Variants in SPACDR observed in about 807,000 individuals in gnomAD.
SPACDR encodes the protein uncharacterized protein C7orf61.
the SPACDR span, among the ~76,000 whole-genome samples, chr7:100,457,803 ATGTGTG>A: frequency 9.6e-5 from 7 of 72,588 alleles, no homozygotes; most frequent in South Asian, 1.2e-3. Context: ...ATATATATAT[ATGTGTG>A]TGTGTGTGTG....
the SPACDR span, among the ~76,000 whole-genome samples, chr7:100,461,010 A>ACCAGC: frequency 2.0e-5 from 3 of 152,078 alleles, no homozygotes; most frequent in Admixed American, 6.6e-5. Context: ...CCTGCCTTCT[A>ACCAGC]CCAGCTGACT....
the SPACDR span, chr7:100,463,509 C>A: frequency 9.3e-6 from 15 of 1,613,828 alleles, no homozygotes; most frequent in Middle Eastern, 1.6e-4. Context: ...TTGGCCAACA[C>A]GCAGGGATCT....
At chr7:100,463,925 C>T in the SPACDR span, 1 of 1,588,628 alleles carries the variant, frequency 6.3e-7, no homozygotes, top group Non-Finnish European at 8.6e-7. Flanking sequence ...GCCCTCATCC[C>T]AGCGCATCAT....
the SPACDR span, among the ~76,000 whole-genome samples, chr7:100,459,405 C>A: frequency 1.3e-5 from 2 of 151,756 alleles, no homozygotes; most frequent in African/African-American, 4.8e-5. Context: ...CAGGTTCAAG[C>A]GATTCTCCTG....
the SPACDR span, chr7:100,463,414 G>A: frequency 1.2e-5 from 19 of 1,613,012 alleles, no homozygotes; most frequent in Non-Finnish European, 7.6e-6. Flanking sequence ...CCATGAGCGT[G>A]GAGACAGACT....
At chr7:100,457,830 T>TGTGTGTGTGTG in the SPACDR span, among the ~76,000 whole-genome samples, 2 of 112,584 alleles carry the variant, frequency 1.8e-5, no homozygotes, top group Non-Finnish European at 3.5e-5. Context: ...TGTGTGTGTG[T>TGTGTGTGTGTG]GTGTGTGTGT....
At chr7:100,459,809 T>C in the SPACDR span, among the ~76,000 whole-genome samples, 1 of 152,108 alleles carries the variant, frequency 6.6e-6, no homozygotes, top group Non-Finnish European at 1.5e-5. Context: ...TTTGAAGGTA[T>C]CACAGTTTAA....
At chr7:100,457,618 C>CTT in the SPACDR span, among the ~76,000 whole-genome samples, 716 of 93,490 alleles carry the variant, frequency 7.7e-3, 33 homozygotes, top group African/African-American at 0.025. Context: ...CATGCCTGGC[C>CTT]TTTTTTTTTT....
At chr7:100,463,542 A>C in the SPACDR span, 3 of 1,614,010 alleles carry the variant, frequency 1.9e-6, no homozygotes, top group Non-Finnish European at 2.5e-6. Flanking sequence ...GACTCACCCA[A>C]CTTGGGCTTA....
the SPACDR span, among the ~76,000 whole-genome samples, chr7:100,457,607 C>A: frequency 6.8e-6 from 1 of 146,432 alleles, no homozygotes; most frequent in African/African-American, 2.5e-5. Flanking sequence ...GCGTGAGCCA[C>A]CATGCCTGGC....
chr7:100,463,737 GA>G, the SPACDR span: 1 of 1,493,268 alleles, frequency 6.7e-7, no homozygotes, highest in East Asian at 2.3e-5. Context: ...GCAGGGCAGA[GA>G]CAACACCATC....
At chr7:100,463,102 T>G in the SPACDR span, among the ~76,000 whole-genome samples, 3 of 139,480 alleles carry the variant, frequency 2.2e-5, no homozygotes, top group Non-Finnish European at 4.7e-5. Flanking sequence ...AGACTCTGTC[T>G]CAGGGAGAAA....
the SPACDR span, chr7:100,463,285 G>A: frequency 5.7e-6 from 7 of 1,236,812 alleles, no homozygotes; most frequent in Non-Finnish European, 7.9e-6. Flanking sequence ...GGAAACAATT[G>A]TTGAACAAGT....
the SPACDR span, among the ~76,000 whole-genome samples, chr7:100,460,581 C>G: frequency 6.6e-6 from 1 of 150,758 alleles, no homozygotes; most frequent in East Asian, 2.0e-4. Context: ...GAGAGTGAGA[C>G]TCCATCATAA....
the SPACDR span, among the ~76,000 whole-genome samples, chr7:100,458,124 T>C: frequency 1.6e-3 from 237 of 151,550 alleles, 2 homozygotes; most frequent in African/African-American, 5.5e-3. Context: ...TATTATATCA[T>C]AGTCAGGATA....
At chr7:100,462,005 AG>A in the SPACDR span, among the ~76,000 whole-genome samples, 2 of 145,738 alleles carry the variant, frequency 1.4e-5, no homozygotes, top group African/African-American at 2.5e-5. Context: ...AAAAAAAAAA[AG>A]GCCTCACCTG....
At chr7:100,457,857 A>ATATTT in the SPACDR span, among the ~76,000 whole-genome samples, 5 of 88,342 alleles carry the variant, frequency 5.7e-5, no homozygotes, top group African/African-American at 2.0e-4. Flanking sequence ...ATATATATAT[A>ATATTT]TTTTTTTTTT....
chr7:100,463,647 C>T, the SPACDR span: 3 of 1,613,888 alleles, frequency 1.9e-6, no homozygotes, highest in East Asian at 2.2e-5. Flanking sequence ...TCAGGGTGTC[C>T]TGAGATGGTT....
chr7:100,458,410 A>G, the SPACDR span, among the ~76,000 whole-genome samples: 3 of 152,122 alleles, frequency 2.0e-5, no homozygotes, highest in African/African-American at 7.2e-5. Flanking sequence ...AAAAACAAAA[A>G]CAAAACAAAA....
Sources: gnomAD v4.1 joint callset for allele counts (sites outside exome capture counted in the v4.1 genomes callset) on GRCh38, gnomAD v4.1.1 for gene constraint, MANE v1.5 for transcripts, NCBI Gene and HGNC (gene_info 2026-07-23, HGNC 2026-07-21) for gene names.